Variants in NDST3 observed in about 807,000 individuals in gnomAD.
NDST3 encodes bifunctional heparan sulfate N-deacetylase/N-sulfotransferase 3.
NDST3 carries 58 observed loss-of-function variants against 96.1 expected under a neutral mutation model. The observed-to-expected ratio is 0.60, with a 90% CI of 0.49 to 0.75. The LOEUF is 0.75. Ranked by LOEUF, NDST3 falls within the 30% of genes least tolerant of loss-of-function variation. The probability of loss-of-function intolerance (pLI) is 0.00; values close to 1 mark genes in which losing one functional copy is unlikely to be tolerated. For missense variants in NDST3, 788 were observed against 1,034.2 expected, an observed-to-expected ratio of 0.76 and a Z score of 3.27; for synonymous variants, 333 against 359.7, an observed-to-expected ratio of 0.93 and a Z score of 0.84.
intron 6 of NDST3, among the ~76,000 whole-genome samples, chr4:118,144,195 T>G (rs2125907279): frequency 6.6e-6 from 1 of 152,170 alleles, no homozygotes; most frequent in Non-Finnish European, 1.5e-5. Flanking sequence ...ACTTTTTTTT[T>G]TTTGAGATGG....
chr4:118,234,934 G>A (rs1336737655), intron 9 of NDST3, among the ~76,000 whole-genome samples: 1 of 151,938 alleles, frequency 6.6e-6, no homozygotes, highest in African/African-American at 2.4e-5. Context: ...GGAGGATGAA[G>A]CAGGAGAATC....
In NDST3 at chr4:118,183,585, A is replaced by G. The variant is rs146628464; in HGVS notation, c.1539+39901A>G. On this transcript the variant is annotated intron_variant, in intron 6 of 13. Coordinates refer to ENST00000296499, the MANE Select transcript of NDST3 (RefSeq NM_004784.3). ...ATCATTTGGGAAATTTCAGAGAACT[A>G]GTTTTCCTCTCAAGAACTAGAGACA... Among the ~76,000 whole-genome samples the G allele has an allele frequency of 6.6e-5, 10 of 152,278 alleles. No individual in the cohort carries two copies. The East Asian group carries it at 1.9e-3, about 29-fold the overall frequency.
rs189660640 is a variant in NDST3 at position 118,052,533 on chromosome 4, C to T, written c.-155-1223C>T. 5.8e-4 allele frequency among the ~76,000 whole-genome samples: 88 copies of T among 151,390 alleles called. 1 individual carries two copies. The highest frequency in any genetic ancestry group is 5.4e-3 in the East Asian group (28 of 5,184). On this transcript the variant is annotated intron_variant, in intron 1 of 13. Transcript: ENST00000296499. ...CCTGCATGTGTACCCTCTAAAATAACGGTTGAATTTTTTTAAAAGGAAAAG... is the reference window on the plus strand; with the variant it reads ...CCTGCATGTGTACCCTCTAAAATAATGGTTGAATTTTTTTAAAAGGAAAAG...
intron 6 of NDST3, among the ~76,000 whole-genome samples, chr4:118,215,209 C>A (rs1560722660): frequency 6.6e-6 from 1 of 151,862 alleles, no homozygotes; most frequent in Admixed American, 6.6e-5. Context: ...AAAAACAAAA[C>A]CCTGAAAAAC....
At chr4:118,060,992 T>C (rs781632530) in intron 2 of NDST3, among the ~76,000 whole-genome samples, 1 of 152,188 alleles carries the variant, frequency 6.6e-6, no homozygotes, top group Non-Finnish European at 1.5e-5. Context: ...TCTCATCCGA[T>C]GTGATTCTCA....
chr4:118,088,462 CTCAAAATAA>C (rs1192699951), intron 2 of NDST3, among the ~76,000 whole-genome samples: 1 of 152,028 alleles, frequency 6.6e-6, no homozygotes, highest in East Asian at 1.9e-4. Flanking sequence ...TCTCAGCTGA[CTCAAAATAA>C]TGAGTAGCCA....
intron 5 of NDST3, among the ~76,000 whole-genome samples, chr4:118,141,855 T>C (rs1324304416): frequency 6.6e-6 from 1 of 152,136 alleles, no homozygotes; most frequent in African/African-American, 2.4e-5. Flanking sequence ...AGGATATGGA[T>C]CTAGTATTCT....
chr4:118,035,517 T>TA (rs1303690388), intron 1 of NDST3, among the ~76,000 whole-genome samples: 1 of 151,638 alleles, frequency 6.6e-6, no homozygotes, highest in Non-Finnish European at 1.5e-5. Context: ...AGCAGGATGA[T>TA]ATGGCAGAGA....
intron 4 of NDST3, among the ~76,000 whole-genome samples, chr4:118,136,751 T>C (rs1733131682): frequency 6.6e-6 from 1 of 152,032 alleles, no homozygotes; most frequent in Non-Finnish European, 1.5e-5. Context: ...TTTTGAACAA[T>C]AAACAGAGTT....
chr4:118,222,629 C>T (rs772501756), intron 6 of NDST3, among the ~76,000 whole-genome samples: 1 of 151,938 alleles, frequency 6.6e-6, no homozygotes, highest in Non-Finnish European at 1.5e-5. Flanking sequence ...AAAAGTTCCA[C>T]GCTTGGAGGC....
intron 6 of NDST3, among the ~76,000 whole-genome samples, chr4:118,222,086 C>T (rs1454268579): frequency 2.0e-5 from 3 of 151,184 alleles, no homozygotes; most frequent in African/African-American, 7.3e-5. Flanking sequence ...TCTGCTTCTC[C>T]TGAACTAGCA....
intron 4 of NDST3, among the ~76,000 whole-genome samples, chr4:118,118,807 C>A (rs1367160545): frequency 6.6e-6 from 1 of 151,896 alleles, no homozygotes; most frequent in Non-Finnish European, 1.5e-5. Flanking sequence ...AATGACCTAC[C>A]ACAAAATTTA....
At chr4:118,252,687 T>C (rs1392476803) in intron 12 of NDST3, among the ~76,000 whole-genome samples, 1 of 152,210 alleles carries the variant, frequency 6.6e-6, no homozygotes, top group African/African-American at 2.4e-5. Context: ...GGTCAGGAGT[T>C]TGAGACCAGC....
chr4:118,228,230 C>T (rs1425966073), intron 8 of NDST3, among the ~76,000 whole-genome samples: 2 of 152,096 alleles, frequency 1.3e-5, no homozygotes, highest in African/African-American at 4.8e-5. Context: ...TTTTTCTTGT[C>T]CTTATTTATT....
chr4:118,080,599 T>C (rs1040403576), intron 2 of NDST3, among the ~76,000 whole-genome samples: 1 of 152,150 alleles, frequency 6.6e-6, no homozygotes, highest in Non-Finnish European at 1.5e-5. Flanking sequence ...GATCACAAAC[T>C]GCCCTCCATT....
intron 2 of NDST3, among the ~76,000 whole-genome samples, chr4:118,082,822 T>C (rs1560630006): frequency 1.3e-5 from 2 of 152,110 alleles, no homozygotes; most frequent in South Asian, 2.1e-4. Flanking sequence ...CACCGTTCCA[T>C]GGGCTGTACA....
intron 6 of NDST3, among the ~76,000 whole-genome samples, chr4:118,219,134 A>G (rs981969699): frequency 2.0e-5 from 3 of 152,314 alleles, no homozygotes; most frequent in African/African-American, 4.8e-5. Context: ...TATAGATTCA[A>G]TGCTATTCCC....
At chr4:118,171,443 G>A (rs1735944523) in intron 6 of NDST3, among the ~76,000 whole-genome samples, 1 of 152,130 alleles carries the variant, frequency 6.6e-6, no homozygotes, top group African/African-American at 2.4e-5. Flanking sequence ...GATTGCTGAG[G>A]CATTTCCTAT....
intron 2 of NDST3, among the ~76,000 whole-genome samples, chr4:118,094,550 T>C (rs1328440919): frequency 6.6e-6 from 1 of 151,846 alleles, no homozygotes; most frequent in Non-Finnish European, 1.5e-5. Context: ...ACTTAATGTG[T>C]CCTTTCCATA....
Sources: gnomAD v4.1 joint callset for allele counts (sites outside exome capture counted in the v4.1 genomes callset) on GRCh38, gnomAD v4.1.1 for gene constraint, MANE v1.5 for transcripts, NCBI Gene and HGNC (gene_info 2026-07-23, HGNC 2026-07-21) for gene names.